Variants in MAN1A2 observed in about 807,000 individuals in gnomAD.
MAN1A2 encodes mannosyl-oligosaccharide 1,2-alpha-mannosidase IB.
Under a neutral mutation model 75.7 loss-of-function variants are expected in MAN1A2, and 26 were observed. That is an observed-to-expected ratio of 0.34 (90% CI 0.25 to 0.48). MAN1A2 has a LOEUF of 0.48. MAN1A2 is among the 20% of genes least tolerant of loss of function. MAN1A2 has a pLI of 0.99. For missense variants in MAN1A2, 562 were observed against 775.5 expected, an observed-to-expected ratio of 0.72 and a Z score of 3.27; for synonymous variants, 247 against 264.6, an observed-to-expected ratio of 0.93 and a Z score of 0.65.
chr1:117,511,908 G>A (rs1350965836), intron 12 of MAN1A2, among the ~76,000 whole-genome samples: 4 of 151,958 alleles, frequency 2.6e-5, no homozygotes, highest in African/African-American at 7.3e-5. Context: ...TGTTTTATCC[G>A]CAGTATCTAC....
At chr1:117,390,077 A>G (rs896684543) in intron 1 of MAN1A2, among the ~76,000 whole-genome samples, 1 of 152,124 alleles carries the variant, frequency 6.6e-6, no homozygotes, top group Non-Finnish European at 1.5e-5. Context: ...TTCTGTGTTT[A>G]TGAGGGATAT....
rs1384667954 is a variant in MAN1A2, at chr1:117,525,835, T to A, written c.*2878T>A. The A allele has an allele frequency of 6.6e-6, 1 of 151,728 alleles. No individual in the cohort carries two copies. The highest frequency in any genetic ancestry group is 1.5e-5 in the Non-Finnish European group (1 of 67,798). 9.4% of individuals were successfully genotyped at this position (151,728 alleles called of 1,614,324 possible). ...TCAACTCAGAAAAATAAGTCCCCAGTCAGGTGGTTCTTACTTTCTTGTGGG... is the reference window on the plus strand; with the variant it reads ...TCAACTCAGAAAAATAAGTCCCCAGACAGGTGGTTCTTACTTTCTTGTGGG... On this transcript the variant is annotated 3_prime_UTR_variant, in exon 13 of 13. Transcript: ENST00000356554.
intron 8 of MAN1A2, among the ~76,000 whole-genome samples, chr1:117,466,941 A>C (rs146217195): frequency 6.6e-6 from 1 of 152,264 alleles, no homozygotes; most frequent in Non-Finnish European, 1.5e-5. Context: ...GCCTGAATTC[A>C]CAGGCTGGCA....
At chr1:117,398,062 C>T (rs1239132253) in intron 1 of MAN1A2, among the ~76,000 whole-genome samples, 1 of 152,080 alleles carries the variant, frequency 6.6e-6, no homozygotes, top group Non-Finnish European at 1.5e-5. Context: ...TATTTTTAAA[C>T]ACCTATTATA....
intron 9 of MAN1A2, among the ~76,000 whole-genome samples, chr1:117,496,040 CATT>C (rs1408522297): frequency 6.6e-6 from 1 of 151,862 alleles, no homozygotes; most frequent in African/African-American, 2.4e-5. Context: ...GTTAAACTCA[CATT>C]ATTATTATGG....
chr1:117,460,519 T>G lies in MAN1A2; in HGVS notation c.981T>G (p.Ser327=), dbSNP rs1649784279. 1 of 1,612,758 alleles carries G rather than the reference T, an allele frequency of 6.2e-7. No homozygotes were observed. The highest frequency in any genetic ancestry group is 1.3e-5 in the African/African-American group (1 of 74,906). The change falls in exon 7 of 13, where the codon TCT becomes TCG. Residue 327 remains serine, a synonymous_variant. Coordinates refer to ENST00000356554, the MANE Select transcript of MAN1A2 (RefSeq NM_006699.5). ...TAGGGCGAAACTGGGGCTGGGCATC[T>G]GCAGGTAGCAGCATTCTGGCTGAAT... The part of the protein sequence containing the change: ...SGVGRNWGWA[S]AGSSILAEFG...
intron 12 of MAN1A2, among the ~76,000 whole-genome samples, chr1:117,517,512 G>A (rs1462454921): frequency 6.6e-6 from 1 of 152,036 alleles, no homozygotes; most frequent in Non-Finnish European, 1.5e-5. Context: ...TACCAGATGA[G>A]ATTATTAGCA....
At chr1:117,394,750 A>C (rs1653853816) in intron 1 of MAN1A2, among the ~76,000 whole-genome samples, 1 of 152,202 alleles carries the variant, frequency 6.6e-6, no homozygotes, top group Non-Finnish European at 1.5e-5. Context: ...ACAGTGGTGG[A>C]TAGAAGAGTG....
At chr1:117,417,998 A>T (rs1648064146) in intron 4 of MAN1A2, among the ~76,000 whole-genome samples, 3 of 152,004 alleles carry the variant, frequency 2.0e-5, no homozygotes, top group Non-Finnish European at 4.4e-5. Flanking sequence ...GGGAGCCATG[A>T]TCATGCTACT....
intron 3 of MAN1A2, among the ~76,000 whole-genome samples, chr1:117,412,241 A>G (rs1364139483): frequency 6.6e-6 from 1 of 151,616 alleles, no homozygotes; most frequent in African/African-American, 2.4e-5. Context: ...CTTCTTTCAT[A>G]AGTCAAAAAT....
Position 117,458,500 on chromosome 1 carries a change from T to G in MAN1A2, c.951-1989T>G, listed in dbSNP as rs1402633628. ...AAGATGAGAAATATATATATATCTATATATATATATAGATATATATATATT... is the reference window on the plus strand; with the variant it reads ...AAGATGAGAAATATATATATATCTAGATATATATATAGATATATATATATT... On this transcript the variant is annotated intron_variant, in intron 6 of 12. Transcript: ENST00000356554. Among the ~76,000 whole-genome samples, 53 of 104,756 alleles carry G rather than the reference T, an allele frequency of 5.1e-4. 1 individual carries two copies. Among genetic ancestry groups the G allele is most frequent in the African/African-American group, 2.2e-3 (51 of 23,720 alleles). The allele number at this position is 104,756 out of a possible 152,430, so 68.7% of individuals were successfully genotyped here.
intron 6 of MAN1A2, among the ~76,000 whole-genome samples, chr1:117,445,890 A>ATATATATATG (rs1649218065): frequency 7.0e-5 from 10 of 142,598 alleles, no homozygotes; most frequent in Non-Finnish European, 1.2e-4. Context: ...GTGTGTATAT[A>ATATATATATG]TATATATATG....
At chr1:117,477,418 A>G (rs1161743032) in intron 8 of MAN1A2, among the ~76,000 whole-genome samples, 2 of 152,078 alleles carry the variant, frequency 1.3e-5, no homozygotes, top group Non-Finnish European at 2.9e-5. Flanking sequence ...ATCCAGCAGC[A>G]CATCAAAAAA....
Position 117,522,722 on chromosome 1 carries a change from T to C in MAN1A2, c.1794-103T>C. ...TTTCTTTGATGTTTTTCATCAAAGC[T>C]GCTCAAAATACGTTATTGGTTTTCT... On this transcript the variant is annotated intron_variant, in intron 12 of 12. Transcript: ENST00000356554. 3 of 959,582 alleles carry C rather than the reference T, an allele frequency of 3.1e-6. No homozygotes were observed. In the East Asian group the frequency reaches 7.2e-5, roughly 23 times the overall value. The allele number at this position is 959,582 out of a possible 1,614,324, so 59.4% of individuals were successfully genotyped here.
intron 4 of MAN1A2, among the ~76,000 whole-genome samples, chr1:117,417,178 G>A (rs548575682): frequency 6.6e-6 from 1 of 152,190 alleles, no homozygotes; most frequent in South Asian, 2.1e-4. Context: ...GAACCTGAGA[G>A]AAGTAGTGTA....
intron 6 of MAN1A2, among the ~76,000 whole-genome samples, chr1:117,445,490 A>G (rs1013385991): frequency 6.6e-6 from 1 of 152,100 alleles, no homozygotes; most frequent in Non-Finnish European, 1.5e-5. Context: ...TTTGTTGGAA[A>G]GTTTTTAATA....
intron 12 of MAN1A2, among the ~76,000 whole-genome samples, chr1:117,514,629 A>G (rs1007075274): frequency 7.9e-5 from 12 of 152,234 alleles, no homozygotes; most frequent in African/African-American, 2.9e-4. Context: ...TTCAGAGACA[A>G]CTCTGTTAGT....
At chr1:117,508,692 G>A (rs1651442979) in intron 12 of MAN1A2, among the ~76,000 whole-genome samples, 1 of 151,520 alleles carries the variant, frequency 6.6e-6, no homozygotes, top group Non-Finnish European at 1.5e-5. Context: ...ATCCACAATA[G>A]TATCATGAAG....
intron 8 of MAN1A2, among the ~76,000 whole-genome samples, chr1:117,472,607 T>G (rs1057259525): frequency 6.6e-6 from 1 of 152,008 alleles, no homozygotes; most frequent in Non-Finnish European, 1.5e-5. Context: ...ACTTTTAGTT[T>G]CTAGGACAAT....
Sources: allele counts gnomAD v4.1 joint callset (sites outside exome capture counted in the v4.1 genomes callset), GRCh38; gene constraint gnomAD v4.1.1; transcripts MANE v1.5; gene names NCBI Gene and HGNC (gene_info 2026-07-23, HGNC 2026-07-21).